TRPC4: variants seen among roughly 807,000 people sequenced by gnomAD.
TRPC4 encodes short transient receptor potential channel 4.
In TRPC4, 49 loss-of-function variants were observed where a neutral mutation model predicts 99.4. The ratio of observed to expected loss-of-function variants is 0.49; its 90% CI spans 0.39 to 0.63. The LOEUF is 0.63. TRPC4 is among the 20% of genes least tolerant of loss of function. The pLI is 0.00. For synonymous variants in TRPC4, 454 were observed against 425.9 expected (o/e 1.07, Z -0.81); for missense variants, 898 against 1,152.9 (o/e 0.78, Z 3.20).
At chr13:37,664,808 C>G (rs1384256344) in intron 5 of TRPC4, among the ~76,000 whole-genome samples, 3 of 152,084 alleles carry the variant, frequency 2.0e-5, no homozygotes, top group Non-Finnish European at 4.4e-5. Context: ...CATCCAAGAG[C>G]TTTACAAATG....
rs556365024 is a variant in TRPC4, at chr13:37,866,854, G to GGT, written c.-28+2740_-28+2741insAC. Among the ~76,000 whole-genome samples, 569 of 111,950 alleles carry GGT rather than the reference G, an allele frequency of 5.1e-3. 9 individuals carry two copies. Among genetic ancestry groups the GGT allele is most frequent in the Non-Finnish European group, 7.0e-3 (398 of 57,184 alleles). 73.4% of individuals were successfully genotyped at this position (111,950 alleles called of 152,430 possible). A position where few individuals can be genotyped will look rare whatever the true frequency, so the allele number is the denominator to read the frequency against. On this transcript the variant is annotated intron_variant, in intron 1 of 10. Coordinates refer to ENST00000379705, the MANE Select transcript of TRPC4 (RefSeq NM_016179.4). Reference sequence around the variant, plus strand: ...TTAATGTTTATTTTTTGTGGGGGGGGGCGGGTATAGGGTATAAATTAGGTG... The same window carrying GGT: ...TTAATGTTTATTTTTTGTGGGGGGGGGTGCGGGTATAGGGTATAAATTAGGTG...
intron 1 of TRPC4, among the ~76,000 whole-genome samples, chr13:37,805,128 T>A (rs1246316637): frequency 6.6e-6 from 1 of 152,024 alleles, no homozygotes; most frequent in Non-Finnish European, 1.5e-5. Context: ...GTGAAAGAAC[T>A]CAGATTCCCA....
At chr13:37,785,675 G>T (rs186820036) in intron 1 of TRPC4, among the ~76,000 whole-genome samples, 5 of 151,916 alleles carry the variant, frequency 3.3e-5, no homozygotes, top group Admixed American at 6.6e-5. Flanking sequence ...TCACGATAGA[G>T]AATGAAAAAA....
chr13:37,813,711 GA>G, intron 1 of TRPC4, among the ~76,000 whole-genome samples: 1 of 151,870 alleles, frequency 6.6e-6, no homozygotes, highest in South Asian at 2.1e-4. Context: ...GTAACAAAGA[GA>G]TCAAATTAGT....
chr13:37,659,923 T>A (rs1952371910), intron 6 of TRPC4, among the ~76,000 whole-genome samples: 1 of 152,216 alleles, frequency 6.6e-6, no homozygotes, highest in Non-Finnish European at 1.5e-5. Flanking sequence ...GAGACTCTGA[T>A]AAATTCCCTT....
At chr13:37,809,887 C>T (rs905059982) in intron 1 of TRPC4, among the ~76,000 whole-genome samples, 2 of 152,008 alleles carry the variant, frequency 1.3e-5, no homozygotes, top group African/African-American at 4.8e-5. Flanking sequence ...CGTTCTAAAC[C>T]TTCCAGCCCT....
At chr13:37,806,876 G>T (rs909652204) in intron 1 of TRPC4, among the ~76,000 whole-genome samples, 3 of 151,990 alleles carry the variant, frequency 2.0e-5, no homozygotes, top group South Asian at 2.1e-4. Context: ...CACAGTGGGC[G>T]CTGTCTCCTG....
At position 37,684,370 on chromosome 13, in the gene TRPC4, G is replaced by A. The variant is rs1385392492; in HGVS notation, c.1234+7629C>T. ...TAATTAAGGAAGTACACATTTTTAA[G>A]TTTACCAAGAAAGGATGCCATGTTA... On this transcript the variant is annotated intron_variant, in intron 4 of 10. Transcript: ENST00000379705. Among the ~76,000 whole-genome samples the A allele has an allele frequency of 2.6e-5, 4 of 152,144 alleles. No homozygotes were observed. In the East Asian group the frequency reaches 7.7e-4, roughly 29 times the overall value.
intron 1 of TRPC4, among the ~76,000 whole-genome samples, chr13:37,819,568 G>C (rs1388001153): frequency 6.6e-6 from 1 of 151,936 alleles, no homozygotes; most frequent in Non-Finnish European, 1.5e-5. Flanking sequence ...ACTAACGCAG[G>C]AACAGGAAAT....
chr13:37,692,449 A>C, intron 3 of TRPC4, 114 bp from the exon 4 acceptor site: 1 of 979,284 alleles, frequency 1.0e-6, no homozygotes, highest in Non-Finnish European at 1.5e-6. Flanking sequence ...GTTTCACATA[A>C]TTTTACATTT....
At chr13:37,789,569 C>T (rs1957058843) in intron 1 of TRPC4, among the ~76,000 whole-genome samples, 1 of 152,118 alleles carries the variant, frequency 6.6e-6, no homozygotes, top group Admixed American at 6.6e-5. Flanking sequence ...TTTACTCTGC[C>T]ATTTTAGATT....
chr13:37,636,842 C>T lies in TRPC4; in HGVS notation c.*61G>A. On this transcript the variant is annotated 3_prime_UTR_variant, in exon 11 of 11. Coordinates refer to ENST00000379705, the MANE Select transcript of TRPC4 (RefSeq NM_016179.4). ...TTGCTAATACAATTTAAACATTTTC[C>T]CCCACCCAGAGCACTACGGAAAATA... The T allele has an allele frequency of 2.0e-6, 3 of 1,526,158 alleles. No homozygotes were observed. The highest frequency in any genetic ancestry group is 2.2e-5 in the Admixed American group (1 of 46,302). The allele number at this position is 1,526,158 out of a possible 1,614,324, so 94.5% of individuals were successfully genotyped here. A position where few individuals can be genotyped will look rare whatever the true frequency, so the allele number is the denominator to read the frequency against.
intron 1 of TRPC4, among the ~76,000 whole-genome samples, chr13:37,796,483 C>G (rs1957249317): frequency 6.6e-6 from 1 of 152,016 alleles, no homozygotes; most frequent in South Asian, 2.1e-4. Flanking sequence ...ATTCAGTTTC[C>G]CAGTGGCTAG....
intron 3 of TRPC4, among the ~76,000 whole-genome samples, chr13:37,737,520 T>TG (rs1955437179): frequency 6.6e-6 from 1 of 152,174 alleles, no homozygotes; most frequent in African/African-American, 2.4e-5. Context: ...TTCCGCAGGC[T>TG]GGAATGCACT....
chr13:37,837,727 G>T (rs1191752883), intron 1 of TRPC4, among the ~76,000 whole-genome samples: 1 of 152,168 alleles, frequency 6.6e-6, no homozygotes, highest in Admixed American at 6.5e-5. Flanking sequence ...AGTTAATGCT[G>T]AAATGAGTTA....
At chr13:37,666,725 A>C (rs1452277902) in intron 5 of TRPC4, among the ~76,000 whole-genome samples, 1 of 152,112 alleles carries the variant, frequency 6.6e-6, no homozygotes, top group Admixed American at 6.6e-5. Context: ...AATTTACAAA[A>C]CCTACCTTCC....
intron 1 of TRPC4, among the ~76,000 whole-genome samples, chr13:37,789,000 C>G (rs1484147875): frequency 1.3e-5 from 2 of 152,074 alleles, no homozygotes; most frequent in African/African-American, 2.4e-5. Context: ...ACAGCAATAT[C>G]TTTCCAAACG....
intron 1 of TRPC4, among the ~76,000 whole-genome samples, chr13:37,830,779 T>C (rs1206108711): frequency 7.4e-6 from 1 of 135,400 alleles, no homozygotes; most frequent in African/African-American, 2.9e-5. Flanking sequence ...ATAACATTTA[T>C]ATAATATATA....
chr13:37,678,353 T>C (rs867057121), intron 4 of TRPC4, among the ~76,000 whole-genome samples: 3 of 151,856 alleles, frequency 2.0e-5, no homozygotes, highest in South Asian at 2.1e-4. Flanking sequence ...GTCAATAAAA[T>C]TGATAAAACG....
Sources: allele counts gnomAD v4.1 joint callset (sites outside exome capture counted in the v4.1 genomes callset), GRCh38; gene constraint gnomAD v4.1.1; transcripts MANE v1.5; gene names NCBI Gene and HGNC (gene_info 2026-07-23, HGNC 2026-07-21).